SEMA3E: variants seen among roughly 807,000 people sequenced by gnomAD.
The protein encoded by SEMA3E is semaphorin-3E.
Under a neutral mutation model 93.6 loss-of-function variants are expected in SEMA3E, and 49 were observed. The observed-to-expected ratio is 0.52, with a 90% CI of 0.42 to 0.66. SEMA3E has a LOEUF of 0.66. Ranked by LOEUF, SEMA3E falls within the 30% of genes least tolerant of loss-of-function variation. The pLI, the probability that SEMA3E is intolerant of heterozygous loss-of-function variation, is 0.00. For missense variants in SEMA3E, 906 were observed against 964.8 expected, an observed-to-expected ratio of 0.94 and a Z score of 0.81; for synonymous variants, 363 against 330.7, an observed-to-expected ratio of 1.10 and a Z score of -1.06.
At chr7:83,574,550 C>CTGTAT (rs1792361212) in intron 1 of SEMA3E, among the ~76,000 whole-genome samples, 1 of 114,968 alleles carries the variant, frequency 8.7e-6, no homozygotes, top group African/African-American at 3.8e-5. Context: ...TTTGGGTACT[C>CTGTAT]TTTACCCACA....
intron 4 of SEMA3E, among the ~76,000 whole-genome samples, chr7:83,443,916 GATATATATAT>G (rs60405752): frequency 0.049 from 7,271 of 147,428 alleles, 598 homozygotes; most frequent in African/African-American, 0.17. Flanking sequence ...ATAATGACCT[GATATATATAT>G]ATATATATAT....
At chr7:83,399,660 TTAC>T (rs1788197537) in intron 11 of SEMA3E, among the ~76,000 whole-genome samples, 3 of 152,230 alleles carry the variant, frequency 2.0e-5, no homozygotes, top group Admixed American at 1.3e-4. Context: ...ATTCATTTCT[TTAC>T]TTATTCATTT....
Position 83,648,413 on chromosome 7 carries a change from G to A in SEMA3E, c.115+15C>T. 1 of 1,453,522 alleles carries A rather than the reference G, an allele frequency of 6.9e-7. No homozygotes were observed. Among genetic ancestry groups the A allele is most frequent in the Non-Finnish European group, 9.6e-7 (1 of 1,038,482 alleles). The allele number at this position is 1,453,522 out of a possible 1,614,324, so 90.0% of individuals were successfully genotyped here. A position where few individuals can be genotyped will look rare whatever the true frequency, so the allele number is the denominator to read the frequency against. ...TTTTTTTTTTTAAACAAAAGGATCT[G>A]GAAAGGTAACCTACCTTTATGTGAC... On this transcript the variant is annotated intron_variant, in intron 1 of 16. Coordinates refer to ENST00000643230, the MANE Select transcript of SEMA3E (RefSeq NM_012431.3).
At chr7:83,593,317 T>TTG in intron 1 of SEMA3E, among the ~76,000 whole-genome samples, 1 of 86,156 alleles carries the variant, frequency 1.2e-5, no homozygotes, top group African/African-American at 5.4e-5. Context: ...TGTGTGTGTG[T>TTG]GTGTGTGTGT....
chr7:83,434,536 C>T (rs992468405), intron 4 of SEMA3E, among the ~76,000 whole-genome samples: 1 of 152,038 alleles, frequency 6.6e-6, no homozygotes, highest in Non-Finnish European at 1.5e-5. Flanking sequence ...TTAATAATAA[C>T]AAACATGCTT....
chr7:83,388,649 T>C (rs1001029451), intron 14 of SEMA3E, among the ~76,000 whole-genome samples: 2 of 152,058 alleles, frequency 1.3e-5, no homozygotes, highest in Admixed American at 6.6e-5. Context: ...GCTTTAACCA[T>C]ATGCAATGAT....
At chr7:83,508,444 T>C (rs1357251224) in intron 1 of SEMA3E, among the ~76,000 whole-genome samples, 1 of 152,016 alleles carries the variant, frequency 6.6e-6, no homozygotes, top group Non-Finnish European at 1.5e-5. Context: ...GTGTTTTTAG[T>C]AGAGACAGAG....
intron 4 of SEMA3E, among the ~76,000 whole-genome samples, chr7:83,427,510 CAT>C (rs1435935346): frequency 2.6e-5 from 4 of 151,992 alleles, no homozygotes; most frequent in Non-Finnish European, 5.9e-5. Flanking sequence ...GAAAATTTAC[CAT>C]AGACTACATA....
intron 1 of SEMA3E, among the ~76,000 whole-genome samples, chr7:83,625,429 T>C (rs898706348): frequency 6.6e-6 from 1 of 152,060 alleles, no homozygotes; most frequent in African/African-American, 2.4e-5. Context: ...CTCCTTGAAG[T>C]GGTCCTTCAC....
chr7:83,545,912 A>G (rs1791641802), intron 1 of SEMA3E, among the ~76,000 whole-genome samples: 1 of 146,388 alleles, frequency 6.8e-6, no homozygotes, highest in Non-Finnish European at 1.5e-5. Flanking sequence ...TATATATTAT[A>G]TATATTTTAT....
intron 5 of SEMA3E, among the ~76,000 whole-genome samples, chr7:83,409,597 A>T (rs925912303): frequency 2.0e-5 from 3 of 152,138 alleles, no homozygotes; most frequent in African/African-American, 4.8e-5. Flanking sequence ...ACACATATTT[A>T]AAATGCTTTA....
intron 2 of SEMA3E, among the ~76,000 whole-genome samples, chr7:83,479,926 T>C (rs77296133): frequency 0.012 from 1,759 of 152,264 alleles, 30 homozygotes; most frequent in African/African-American, 0.04. Flanking sequence ...CACAAATACA[T>C]AAGATCTAGT....
At chr7:83,576,214 C>T (rs1227298401) in intron 1 of SEMA3E, among the ~76,000 whole-genome samples, 2 of 152,110 alleles carry the variant, frequency 1.3e-5, no homozygotes, top group African/African-American at 2.4e-5. Flanking sequence ...TGTGCAATAC[C>T]TTGCTCAATT....
At chr7:83,389,207 T>A (rs1417981745) in intron 14 of SEMA3E, among the ~76,000 whole-genome samples, 2 of 152,158 alleles carry the variant, frequency 1.3e-5, no homozygotes, top group African/African-American at 2.4e-5. Flanking sequence ...ACAATTATTA[T>A]ACAACCAATA....
intron 8 of SEMA3E, 127 bp downstream of exon 8, chr7:83,405,818 C>A: frequency 2.5e-6 from 2 of 787,606 alleles, no homozygotes; most frequent in East Asian, 5.3e-5. Context: ...ATGAAAAGAA[C>A]AGAAACTTGC....
chr7:83,482,564 CAAAAAAAA>C (rs11429680), intron 2 of SEMA3E, among the ~76,000 whole-genome samples: 2 of 80,236 alleles, frequency 2.5e-5, no homozygotes, highest in African/African-American at 5.8e-5. Context: ...CACTCCGTCT[CAAAAAAAA>C]AAAAAAAAAA....
At chr7:83,560,041 T>C (rs1477847029) in intron 1 of SEMA3E, among the ~76,000 whole-genome samples, 1 of 152,026 alleles carries the variant, frequency 6.6e-6, no homozygotes, top group Non-Finnish European at 1.5e-5. Context: ...AAAAGATCTA[T>C]AGTTGCCAGG....
rs565826850 is a variant in SEMA3E at position 83,461,393 on chromosome 7, T to TC, written c.456+5088dup. ...GTCCCAATTCTACCTCAGCCTCTGC[T>TC]CCTCCACCCTATAATCTTTTTGTCA... On this transcript the variant is annotated intron_variant, in intron 4 of 16. Coordinates refer to ENST00000643230, the MANE Select transcript of SEMA3E (RefSeq NM_012431.3). Among the ~76,000 whole-genome samples the TC allele has an allele frequency of 4.1e-3, 622 of 152,252 alleles. 6 individuals carry two copies. Among genetic ancestry groups the TC allele is most frequent in the African/African-American group, 0.014 (564 of 41,520 alleles).
In SEMA3E at chr7:83,367,041, A is replaced by C. The variant is rs1794679565; in HGVS notation, c.*545T>G. 1 of 154,336 alleles carries C rather than the reference A, an allele frequency of 6.5e-6. No individual in the cohort carries two copies. Among genetic ancestry groups the C allele is most frequent in the Non-Finnish European group, 1.4e-5 (1 of 69,504 alleles). The allele number at this position is 154,336 out of a possible 1,614,324, so 9.6% of individuals were successfully genotyped here. ...GCCTCAGAATGACATTTTTCCTTTC[A>C]TGGGTTACAGCACTCACAACACACC... On this transcript the variant is annotated 3_prime_UTR_variant, in exon 17 of 17. Coordinates refer to ENST00000643230, the MANE Select transcript of SEMA3E (RefSeq NM_012431.3).
Sources: allele counts gnomAD v4.1 joint callset (sites outside exome capture counted in the v4.1 genomes callset), GRCh38; gene constraint gnomAD v4.1.1; transcripts MANE v1.5; gene names NCBI Gene and HGNC (gene_info 2026-07-23, HGNC 2026-07-21).